THUMPD2: variants seen among roughly 807,000 people sequenced by gnomAD.
The protein encoded by THUMPD2 is U6 snRNA (guanine-N(2))-methyltransferase THUMPD2.
Under a neutral mutation model 49.4 loss-of-function variants are expected in THUMPD2, and 56 were observed. That is an observed-to-expected ratio of 1.13 (90% CI 0.91 to 1.41). THUMPD2 has a LOEUF of 1.41. THUMPD2 is among the 40% of genes most tolerant of loss of function. THUMPD2 has a pLI of 0.00. For missense variants in THUMPD2, 709 were observed against 594.5 expected (o/e 1.19, Z -2.00); for synonymous variants, 237 against 205.2 (o/e 1.15, Z -1.32).
intron 1 of THUMPD2, among the ~76,000 whole-genome samples, chr2:39,773,613 ATATATATTTATATT>A (rs1678661571): frequency 7.3e-6 from 1 of 137,918 alleles, no homozygotes; most frequent in Non-Finnish European, 1.5e-5. Flanking sequence ...TTAAAAATAT[ATATATATTTATATT>A]TTAAAAATAT....
At chr2:39,771,187 T>A (rs1474808237) in intron 2 of THUMPD2, among the ~76,000 whole-genome samples, 1 of 152,132 alleles carries the variant, frequency 6.6e-6, no homozygotes, top group Non-Finnish European at 1.5e-5. Context: ...TTGGATTAGT[T>A]CATGTTTCTA....
chr2:39,736,583 C>A lies in THUMPD2; in HGVS notation c.*152G>T. On this transcript the variant is annotated 3_prime_UTR_variant, in exon 10 of 10. Transcript: ENST00000505747. ...TAGAATATAAAGCAGAAACTCTTAC[C>A]AAGCATGTGTACCCATCAGCCACAC... is the stretch of plus-strand genomic sequence containing the variant. 1.8e-6 allele frequency: 1 copy of A among 558,484 alleles called. No individual in the cohort carries two copies. Among genetic ancestry groups the A allele is most frequent in the South Asian group, 3.3e-5 (1 of 30,572 alleles). 34.6% of individuals were successfully genotyped at this position (558,484 alleles called of 1,614,324 possible).
chr2:39,764,108 C>G (rs920081639), intron 5 of THUMPD2, among the ~76,000 whole-genome samples: 1 of 152,170 alleles, frequency 6.6e-6, no homozygotes, highest in African/African-American at 2.4e-5. Context: ...AGGGACAATC[C>G]TTTATCTTTC....
chr2:39,772,333 T>C (rs1285056901), intron 1 of THUMPD2, among the ~76,000 whole-genome samples: 1 of 152,204 alleles, frequency 6.6e-6, no homozygotes, highest in Admixed American at 6.5e-5. Flanking sequence ...CCACGAATGG[T>C]AATGGTCAAC....
chr2:39,750,506 C>T (rs570231504), intron 8 of THUMPD2, among the ~76,000 whole-genome samples: 7 of 152,040 alleles, frequency 4.6e-5, no homozygotes, highest in Non-Finnish European at 1.0e-4. Flanking sequence ...CAGGAGTTTG[C>T]GACCAGCCTG....
chr2:39,737,205 C>T, intron 9 of THUMPD2, 146 bp from the exon 10 acceptor site: 1 of 713,122 alleles, frequency 1.4e-6, no homozygotes, highest in Non-Finnish European at 2.3e-6. Flanking sequence ...TAGGTAGTAT[C>T]TTCTATAATG....
chr2:39,747,157 T>C (rs1674713893), intron 8 of THUMPD2, among the ~76,000 whole-genome samples: 1 of 152,224 alleles, frequency 6.6e-6, no homozygotes, highest in African/African-American at 2.4e-5. Context: ...ATAATATTTT[T>C]GGGTTACACT....
rs150980301 is a variant in THUMPD2 at position 39,769,012 on chromosome 2, G to C, written c.673-511C>G. ...TGAGGTCTGGTGATGGCAACAGTTT[G>C]TGGTGTTCGCTCTTCTCTACATTGC... On this transcript the variant is annotated intron_variant, in intron 3 of 9. Coordinates refer to ENST00000505747, the MANE Select transcript of THUMPD2 (RefSeq NM_025264.5). The C allele has an allele frequency of 8.4e-6, 11 of 1,304,694 alleles. No individual in the cohort carries two copies. The East Asian group carries it at 6.1e-4, about 72-fold the overall frequency. 80.8% of individuals were successfully genotyped at this position (1,304,694 alleles called of 1,614,324 possible).
chr2:39,755,277 G>T lies in THUMPD2; in HGVS notation c.1078+18C>A. The T allele has an allele frequency of 7.1e-7, 1 of 1,399,430 alleles. No individual in the cohort carries two copies. Among genetic ancestry groups the T allele is most frequent in the Non-Finnish European group, 9.7e-7 (1 of 1,027,410 alleles). 86.7% of individuals were successfully genotyped at this position (1,399,430 alleles called of 1,614,324 possible). A position where few individuals can be genotyped will look rare whatever the true frequency, so the allele number is the denominator to read the frequency against. On this transcript the variant is annotated intron_variant, in intron 8 of 9. Transcript: ENST00000505747. ...CATTGTTCCTTTTCTCAATTGTTTT[G>T]CATTTTTAGTATCTTACCTATAACA... is the stretch of plus-strand genomic sequence containing the variant.
intron 2 of THUMPD2, among the ~76,000 whole-genome samples, chr2:39,770,679 A>G (rs548033194): frequency 3.3e-5 from 5 of 152,212 alleles, no homozygotes; most frequent in Admixed American, 2.6e-4. Context: ...TTGATGAACC[A>G]CAGTCATCAA....
intron 8 of THUMPD2, among the ~76,000 whole-genome samples, chr2:39,751,544 A>G (rs1675398901): frequency 6.6e-6 from 1 of 152,194 alleles, no homozygotes; most frequent in Non-Finnish European, 1.5e-5. Context: ...GAATGTAAAT[A>G]TATCTGCAGA....
At chr2:39,739,736 G>C (rs1673654044) in intron 9 of THUMPD2, among the ~76,000 whole-genome samples, 2 of 152,226 alleles carry the variant, frequency 1.3e-5, no homozygotes, top group African/African-American at 4.8e-5. Flanking sequence ...AAAATGAGAA[G>C]TGGGCAGAGT....
chr2:39,765,761 G>A (rs554290266), intron 5 of THUMPD2, among the ~76,000 whole-genome samples: 6 of 152,124 alleles, frequency 3.9e-5, no homozygotes, highest in African/African-American at 1.4e-4. Context: ...AGCCTTTTAG[G>A]TATAGGTATA....
At chr2:39,764,647 G>C (rs1038107051) in intron 5 of THUMPD2, among the ~76,000 whole-genome samples, 1 of 152,114 alleles carries the variant, frequency 6.6e-6, no homozygotes, top group African/African-American at 2.4e-5. Context: ...TCTGTTGTTA[G>C]GGTCACCAGG....
chr2:39,777,984 T>C lies in THUMPD2; in HGVS notation c.126+1130A>G, dbSNP rs74659298. On this transcript the variant is annotated intron_variant, in intron 1 of 9. Coordinates refer to ENST00000505747, the MANE Select transcript of THUMPD2 (RefSeq NM_025264.5). ...GCACCCCTATGTCATGGTCATATAG[T>C]GGGCCTGGTTTGAACATGATTATAT... is the stretch of plus-strand genomic sequence containing the variant. Among the ~76,000 whole-genome samples the C allele has an allele frequency of 2.6e-4, 40 of 152,342 alleles. No individual in the cohort carries two copies. In the East Asian group the frequency reaches 6.2e-3, roughly 24 times the overall value.
rs1676521512 is a variant in THUMPD2 at position 39,759,272 on chromosome 2, A to G, written c.891+2059T>C. 3.3e-5 allele frequency among the ~76,000 whole-genome samples: 5 copies of G among 151,900 alleles called. No homozygotes were observed. The South Asian group carries it at 1.0e-3, about 31-fold the overall frequency. On this transcript the variant is annotated intron_variant, in intron 6 of 9. Transcript: ENST00000505747. Reference sequence around the variant, plus strand: ...GGCCGGAGAAGTAAAAATAAATAATAATTTTTATAATTATATATTTGAAAT... The same window carrying G: ...GGCCGGAGAAGTAAAAATAAATAATGATTTTTATAATTATATATTTGAAAT...
intron 8 of THUMPD2, among the ~76,000 whole-genome samples, chr2:39,750,175 A>G (rs559342022): frequency 6.5e-4 from 99 of 152,318 alleles, no homozygotes; most frequent in African/African-American, 2.4e-3. Context: ...GAATCACCAC[A>G]CTGTCTTCCC....
At chr2:39,765,449 C>T (rs10164984) in intron 5 of THUMPD2, among the ~76,000 whole-genome samples, 64,909 of 151,730 alleles carry the variant, frequency 0.43, 15,335 homozygotes, top group East Asian at 0.82. Context: ...TGAGCCACCG[C>T]GCCCGGTCCC....
intron 8 of THUMPD2, among the ~76,000 whole-genome samples, chr2:39,746,362 C>T (rs1236664742): frequency 2.0e-5 from 3 of 152,170 alleles, no homozygotes; most frequent in African/African-American, 7.2e-5. Flanking sequence ...GAAACTACAA[C>T]TTAGTGCGTA....
Sources: allele counts gnomAD v4.1 joint callset (sites outside exome capture counted in the v4.1 genomes callset), GRCh38; gene constraint gnomAD v4.1.1; transcripts MANE v1.5; gene names NCBI Gene and HGNC (gene_info 2026-07-23, HGNC 2026-07-21).